Variants in NFIB observed in about 807,000 individuals in gnomAD.
NFIB encodes nuclear factor I B.
In NFIB, 11 loss-of-function variants were observed where a neutral mutation model predicts 61.5. That is an observed-to-expected ratio of 0.18 (90% CI 0.11 to 0.30). NFIB has a LOEUF of 0.30. Among genes scored for constraint, NFIB ranks in the 10% least tolerant of loss-of-function variants. The pLI is 1.00. For missense variants in NFIB, 471 were observed against 608.9 expected (o/e 0.77, Z 2.38); for synonymous variants, 260 against 216.5 (o/e 1.20, Z -1.76).
chr9:14,406,253 C>T, the NFIB span, among the ~76,000 whole-genome samples: 1 of 152,150 alleles, frequency 6.6e-6, no homozygotes, highest in Non-Finnish European at 1.5e-5. Flanking sequence ...ACGTCTTTCC[C>T]CCAGTAAAAT....
chr9:14,314,803 T>TC (rs1422137103), upstream of NFIB, among the ~76,000 whole-genome samples: 2 of 149,178 alleles, frequency 1.3e-5, no homozygotes, highest in Non-Finnish European at 3.0e-5. Flanking sequence ...TTTTTTTTTT[T>TC]TCCAAAATAG....
chr9:14,462,305 C>G, the NFIB span, among the ~76,000 whole-genome samples: 2 of 150,008 alleles, frequency 1.3e-5, no homozygotes, highest in Non-Finnish European at 3.0e-5. Flanking sequence ...TTTTTTCAGA[C>G]AGAGTCTTGC....
intron 2 of NFIB, among the ~76,000 whole-genome samples, chr9:14,229,496 C>T (rs955646855): frequency 6.6e-6 from 1 of 152,182 alleles, no homozygotes; most frequent in African/African-American, 2.4e-5. Flanking sequence ...AGGCCTGGCT[C>T]CTAAATATAA....
intron 2 of NFIB, among the ~76,000 whole-genome samples, chr9:14,275,634 GAGTACTTATCTAAA>G (rs1217704751): frequency 6.6e-6 from 1 of 152,100 alleles, no homozygotes; most frequent in Admixed American, 6.6e-5. Context: ...TCCTAGTTGT[GAGTACTTATCTAAA>G]AGGACATGAG....
intron 2 of NFIB, among the ~76,000 whole-genome samples, chr9:14,298,737 A>C (rs1040851408): frequency 6.6e-6 from 1 of 152,228 alleles, no homozygotes; most frequent in African/African-American, 2.4e-5. Context: ...TGACATTATT[A>C]CACAATAGAA....
At chr9:14,224,719 G>A (rs111333375) in intron 2 of NFIB, among the ~76,000 whole-genome samples, 112 of 152,292 alleles carry the variant, frequency 7.4e-4, no homozygotes, top group African/African-American at 2.7e-3. Flanking sequence ...TGAGCATTAT[G>A]GTGTTTGGTA....
the NFIB span, among the ~76,000 whole-genome samples, chr9:14,489,421 T>A: frequency 6.6e-6 from 1 of 152,228 alleles, no homozygotes; most frequent in Non-Finnish European, 1.5e-5. Context: ...TGTGTGCCTT[T>A]CTTTGTACCT....
chr9:14,144,012 G>GTGTGTGTGTGTGTC (rs2042028277), intron 6 of NFIB, among the ~76,000 whole-genome samples: 1 of 151,128 alleles, frequency 6.6e-6, no homozygotes, highest in Non-Finnish European at 1.5e-5. Context: ...GTGTGTGTGT[G>GTGTGTGTGTGTGTC]TGTGTGTGTG....
intron 1 of NFIB, among the ~76,000 whole-genome samples, chr9:14,370,510 G>A (rs1399108736): frequency 6.6e-6 from 1 of 152,198 alleles, no homozygotes; most frequent in African/African-American, 2.4e-5. Context: ...GAGAATGCTG[G>A]TCTAGCCCAC....
At chr9:14,461,905 T>C in the NFIB span, among the ~76,000 whole-genome samples, 1 of 152,158 alleles carries the variant, frequency 6.6e-6, no homozygotes, top group Non-Finnish European at 1.5e-5. Flanking sequence ...AACCAGGGAA[T>C]AGCAAAAGCA....
At chr9:14,413,724 T>G in the NFIB span, among the ~76,000 whole-genome samples, 2 of 152,228 alleles carry the variant, frequency 1.3e-5, no homozygotes, top group Admixed American at 1.3e-4. Context: ...ATGGTACAGC[T>G]ATTTTTCCAA....
chr9:14,425,331 T>C, the NFIB span, among the ~76,000 whole-genome samples: 1 of 152,088 alleles, frequency 6.6e-6, no homozygotes, highest in Non-Finnish European at 1.5e-5. Context: ...GAGAAGCTGG[T>C]ACACAAGGTC....
chr9:14,510,615 T>C, the NFIB span, among the ~76,000 whole-genome samples: 1 of 152,150 alleles, frequency 6.6e-6, no homozygotes, highest in African/African-American at 2.4e-5. Flanking sequence ...CTCTCTTTTG[T>C]TTTCCTACTC....
chr9:14,508,521 A>G, the NFIB span, among the ~76,000 whole-genome samples: 3 of 152,222 alleles, frequency 2.0e-5, no homozygotes, highest in Non-Finnish European at 2.9e-5. Context: ...ACTGACATCA[A>G]TGGTTTCTCT....
the NFIB span, among the ~76,000 whole-genome samples, chr9:14,404,507 G>A: frequency 2.3e-4 from 35 of 152,160 alleles, no homozygotes; most frequent in African/African-American, 8.2e-4. Flanking sequence ...CATTGTTGCT[G>A]AAATTTCCAT....
intron 2 of NFIB, among the ~76,000 whole-genome samples, chr9:14,202,170 T>G (rs1424535354): frequency 1.5e-5 from 2 of 132,036 alleles, no homozygotes; most frequent in Non-Finnish European, 3.4e-5. Context: ...ACACAAAGAT[T>G]TAGCAGTGGG....
chr9:14,390,695 T>G (rs938998002), intron 1 of NFIB, among the ~76,000 whole-genome samples: 4 of 152,230 alleles, frequency 2.6e-5, no homozygotes, highest in African/African-American at 9.6e-5. Flanking sequence ...AGTGCCTTTT[T>G]AAAAAAGATC....
intron 2 of NFIB, among the ~76,000 whole-genome samples, chr9:14,279,302 A>T (rs2058212928): frequency 6.6e-6 from 1 of 152,190 alleles, no homozygotes; most frequent in African/African-American, 2.4e-5. Flanking sequence ...AATCACTATG[A>T]TGAAAAAAGT....
chr9:14,119,456 G>A (rs2038629309), intron 8 of NFIB, among the ~76,000 whole-genome samples: 5 of 151,962 alleles, frequency 3.3e-5, no homozygotes, highest in Admixed American at 3.3e-4. Context: ...AGTTCAGAAA[G>A]GACCATTTTG....
Sources: gnomAD v4.1 joint callset for allele counts (sites outside exome capture counted in the v4.1 genomes callset) on GRCh38, gnomAD v4.1.1 for gene constraint, MANE v1.5 for transcripts, NCBI Gene and HGNC (gene_info 2026-07-23, HGNC 2026-07-21) for gene names.